The following RPS6KA2 variants were observed in gnomAD, a reference collection of about 807,000 sequenced individuals.
The protein encoded by RPS6KA2 is ribosomal protein S6 kinase A2, also known as ribosomal protein S6 kinase alpha-2.
Under a neutral mutation model 91.8 loss-of-function variants are expected in RPS6KA2, and 42 were observed. That is an observed-to-expected ratio of 0.46 (90% CI 0.36 to 0.59). The LOEUF is 0.59. Among genes scored for constraint, RPS6KA2 ranks in the 20% least tolerant of loss-of-function variants. RPS6KA2 has a pLI of 0.00. For missense variants in RPS6KA2, 798 were observed against 978.5 expected, an observed-to-expected ratio of 0.82 and a Z score of 2.46; for synonymous variants, 414 against 393.6, an observed-to-expected ratio of 1.05 and a Z score of -0.61.
At chr6:166,492,769 G>A (rs922637321) in intron 8 of RPS6KA2, among the ~76,000 whole-genome samples, 1 of 150,120 alleles carries the variant, frequency 6.7e-6, no homozygotes, top group African/African-American at 2.5e-5. Flanking sequence ...AGGCTGGAGT[G>A]CAATGGCACA....
In RPS6KA2 at chr6:166,582,993, C is replaced by T. The variant is rs183520870; in HGVS notation, c.99+43928G>A. Among the ~76,000 whole-genome samples the T allele has an allele frequency of 3.3e-5, 5 of 152,298 alleles. No individual in the cohort carries two copies. The East Asian group carries it at 5.8e-4, about 18-fold the overall frequency. Reference sequence around the variant, plus strand: ...ACATTTTCTCCTACTTTAAAATTCACTCACTTTGTCTTGACTTGGTCGTTG... The same window carrying T: ...ACATTTTCTCCTACTTTAAAATTCATTCACTTTGTCTTGACTTGGTCGTTG... On this transcript the variant is annotated intron_variant, in intron 1 of 20. Coordinates refer to ENST00000265678, the MANE Select transcript of RPS6KA2 (RefSeq NM_021135.6).
intron 1 of RPS6KA2, among the ~76,000 whole-genome samples, chr6:166,596,125 A>T (rs904425104): frequency 6.6e-6 from 1 of 152,190 alleles, no homozygotes; most frequent in African/African-American, 2.4e-5. Flanking sequence ...GATGTGCAGG[A>T]GGTTTGGAAG....
At chr6:166,446,978 A>G (rs980921280) in intron 14 of RPS6KA2, among the ~76,000 whole-genome samples, 1 of 152,218 alleles carries the variant, frequency 6.6e-6, no homozygotes. Flanking sequence ...TCTAAGGCAG[A>G]ATACAGGTCT....
chr6:166,854,402 G>A (rs1444110295), intron 2 of RPS6KA2, among the ~76,000 whole-genome samples: 4 of 152,162 alleles, frequency 2.6e-5, no homozygotes, highest in African/African-American at 9.7e-5. Flanking sequence ...TCTACTCCAC[G>A]AAACTCATAT....
intron 2 of RPS6KA2, among the ~76,000 whole-genome samples, chr6:166,776,027 G>GA (rs1279205202): frequency 6.6e-6 from 1 of 152,232 alleles, no homozygotes; most frequent in Non-Finnish European, 1.5e-5. Context: ...GAAAGCCACT[G>GA]AGGGTGTGTG....
intron 2 of RPS6KA2, among the ~76,000 whole-genome samples, chr6:166,704,914 T>C (rs750127428): frequency 2.1e-4 from 32 of 152,252 alleles, no homozygotes; most frequent in Non-Finnish European, 3.4e-4. Context: ...ATATTTCTTC[T>C]ATGCCAGGAT....
In RPS6KA2 at chr6:166,423,334, G is replaced by A. The variant is rs202226024; in HGVS notation, c.1665C>T (p.Phe555=). 1.7e-5 allele frequency: 28 copies of A among 1,614,152 alleles called. No homozygotes were observed. In the East Asian group the frequency reaches 3.1e-4, roughly 18 times the overall value. ...CCGCGCGCAGCTGCTTGGCAAAGCC[G>A]AAGTCGCAGACTCGGATGGATTCTG... is the stretch of plus-strand genomic sequence containing the variant. ...GSPESIRVCD[F]GFAKQLRAGN... The change falls in exon 17 of 21, where the codon TTC becomes TTT. Residue 555 remains phenylalanine (F), a synonymous_variant. Coordinates refer to ENST00000265678, the MANE Select transcript of RPS6KA2 (RefSeq NM_021135.6). The surrounding 1 kb of genome is among the most constrained non-coding windows in gnomAD (Gnocchi z 4.8).
intron 2 of RPS6KA2, among the ~76,000 whole-genome samples, chr6:166,781,346 A>G (rs986836472): frequency 6.6e-6 from 1 of 152,206 alleles, no homozygotes; most frequent in Non-Finnish European, 1.5e-5. Flanking sequence ...TCTCCCTGTC[A>G]CTTGGACGCT....
intron 2 of RPS6KA2, among the ~76,000 whole-genome samples, chr6:166,734,001 T>C (rs1022545518): frequency 1.3e-5 from 2 of 152,108 alleles, no homozygotes; most frequent in East Asian, 3.9e-4. Flanking sequence ...CAAAGGTGCA[T>C]GCAAGCGAAG....
At chr6:166,413,103 C>G (rs1435632689) in intron 20 of RPS6KA2, among the ~76,000 whole-genome samples, 1 of 152,082 alleles carries the variant, frequency 6.6e-6, no homozygotes, top group Non-Finnish European at 1.5e-5. Context: ...GCACCTGCCC[C>G]CCCCACCCCA....
rs542510716 is a variant in RPS6KA2, at chr6:166,468,725, C to T, written c.972+1116G>A. Among the ~76,000 whole-genome samples the T allele has an allele frequency of 1.2e-4, 18 of 151,662 alleles. No individual in the cohort carries two copies. The South Asian group carries it at 2.7e-3, about 23-fold the overall frequency. On this transcript the variant is annotated intron_variant, in intron 11 of 20. Coordinates refer to ENST00000265678, the MANE Select transcript of RPS6KA2 (RefSeq NM_021135.6). ...AAAAATATAAAAAAAATTAGCCGGG[C>T]GTGGTGGGGGCGCCTGTAATCCCAG...
intron 2 of RPS6KA2, among the ~76,000 whole-genome samples, chr6:166,834,792 T>A (rs1205259549): frequency 5.3e-5 from 8 of 151,644 alleles, no homozygotes; most frequent in African/African-American, 2.4e-5. Flanking sequence ...TGACAGTGTC[T>A]TTTCAAGGAC....
intron 2 of RPS6KA2, among the ~76,000 whole-genome samples, chr6:166,633,013 A>G (rs1261338710): frequency 6.6e-6 from 1 of 152,214 alleles, no homozygotes; most frequent in Non-Finnish European, 1.5e-5. Flanking sequence ...CCAGGAGTTC[A>G]AGGCCAACTT....
At chr6:166,763,855 G>A (rs995154508) in intron 2 of RPS6KA2, among the ~76,000 whole-genome samples, 2 of 152,166 alleles carry the variant, frequency 1.3e-5, no homozygotes, top group East Asian at 1.9e-4. Context: ...CGTGTACCTC[G>A]AGAAAGAGGG....
chr6:166,469,708 G>A, intron 11 of RPS6KA2, 133 bp downstream of exon 11: 1 of 821,512 alleles, frequency 1.2e-6, no homozygotes, highest in South Asian at 1.4e-5. Context: ...CCTGCCTGCA[G>A]GTGGCTTGTC....
intron 2 of RPS6KA2, among the ~76,000 whole-genome samples, chr6:166,751,700 T>C (rs960410545): frequency 6.6e-6 from 1 of 152,252 alleles, no homozygotes; most frequent in Non-Finnish European, 1.5e-5. Flanking sequence ...CCACAGCCAG[T>C]TGGATCAAAC....
intron 1 of RPS6KA2, among the ~76,000 whole-genome samples, chr6:166,607,907 G>A (rs935663266): frequency 6.6e-6 from 1 of 152,152 alleles, no homozygotes; most frequent in African/African-American, 2.4e-5. Flanking sequence ...CTATTCAGGA[G>A]GCTGAGGCAG....
chr6:166,596,182 C>T (rs993121973), intron 1 of RPS6KA2, among the ~76,000 whole-genome samples: 25 of 152,220 alleles, frequency 1.6e-4, no homozygotes, highest in African/African-American at 6.0e-4. Context: ...GGAAGATAGG[C>T]GGTAAGGTCC....
Position 166,437,936 on chromosome 6 carries a change from G to A in RPS6KA2, c.1333-5446C>T, listed in dbSNP as rs547883882. ...GTCTCTCTCCATCAGTGGAGACACC[G>A]TCTCCCGGGACACTCAGCAACCTGA... On this transcript the variant is annotated intron_variant, in intron 14 of 20. Coordinates refer to ENST00000265678, the MANE Select transcript of RPS6KA2 (RefSeq NM_021135.6). The surrounding 1 kb of genome is among the most constrained non-coding windows in gnomAD (Gnocchi z 4.3). Among the ~76,000 whole-genome samples, 8 of 152,246 alleles carry A rather than the reference G, an allele frequency of 5.3e-5. No individual in the cohort carries two copies. Among genetic ancestry groups the A allele is most frequent in the South Asian group, 2.1e-4 (1 of 4,820 alleles).
Sources: allele counts gnomAD v4.1 joint callset (sites outside exome capture counted in the v4.1 genomes callset), GRCh38; gene constraint gnomAD v4.1.1; non-coding constraint Gnocchi (gnomAD v3.1); transcripts MANE v1.5; gene names NCBI Gene and HGNC (gene_info 2026-07-23, HGNC 2026-07-21).